Variants in JSRP1 observed in about 807,000 individuals in gnomAD.
JSRP1 encodes 2310032K21Rik.
JSRP1 carries 29 observed loss-of-function variants against 21.4 expected under a neutral mutation model. The observed-to-expected ratio is 1.36, with a 90% confidence interval of 1.01 to 1.85. JSRP1 has a LOEUF of 1.85. JSRP1 is among the 40% of genes most tolerant of loss of function. The pLI is 0.00. For synonymous variants in JSRP1, 221 were observed against 206.1 expected, an observed-to-expected ratio of 1.07 and a Z score of -0.62; for missense variants, 531 against 461.5, an observed-to-expected ratio of 1.15 and a Z score of -1.38.
chr19:2,256,319 G>A (rs2025146844), intron 1 of JSRP1, 64 bp downstream of exon 1: 2 of 152,346 alleles, frequency 1.3e-5, no homozygotes, highest in Admixed American at 6.5e-5. Flanking sequence ...TTCACACCCC[G>A]GGAGCCCACA....
chr19:2,254,513 G>A (rs1305050175), intron 2 of JSRP1, 31 bp from the exon 3 acceptor site: 1 of 1,611,546 alleles, frequency 6.2e-7, no homozygotes. Context: ...TCAAGGTTGT[G>A]GGGACCCCCA....
chr19:2,254,563 T>C, intron 2 of JSRP1, 81 bp from the exon 3 acceptor site: 1 of 1,486,718 alleles, frequency 6.7e-7, no homozygotes. Context: ...CTGGGTGACG[T>C]GCGGGTGACT....
Position 2,254,213 on chromosome 19 carries a change from C to T in JSRP1, c.236G>A (p.Gly79Glu), listed in dbSNP as rs775009518. The change falls in exon 4 of 7, where the codon GGG becomes GAG. Residue 79 changes from glycine (G) to glutamate (E), a missense_variant. Transcript: ENST00000300961. Reference sequence around the variant, plus strand: ...CGCTCCGGCTTTCAGCCTCTCCTTCCCCGTTCCTGGGGTCCCCCTGGCGGC... The same window carrying T: ...CGCTCCGGCTTTCAGCCTCTCCTTCTCCGTTCCTGGGGTCCCCCTGGCGGC... ...EPAARGTPGTGKERLKAGASP... is the reference protein window; with the variant it reads ...EPAARGTPGTEKERLKAGASP... 17 of 1,606,508 alleles carry T rather than the reference C, an allele frequency of 1.1e-5. No homozygotes were observed. In the Admixed American group the frequency reaches 1.9e-4, roughly 18 times the overall value.
At position 2,252,739 on chromosome 19, in the gene JSRP1, C is replaced by T; in HGVS notation, c.586G>A (p.Glu196Lys). Reference sequence around the variant, plus strand: ...CTCCCGGGAATCTTGGGTCTGACCTCTGCCTCGGCCCGGGGCGCAGGCGGC... The same window carrying T: ...CTCCCGGGAATCTTGGGTCTGACCTTTGCCTCGGCCCGGGGCGCAGGCGGC... ...SAPPAPRAEA[E>K]VRPKIPGSRE... The change falls in exon 7 of 7, where the codon GAG becomes AAG. Residue 196 changes from glutamate to lysine, a missense_variant. Glu to Lys is a moderately conservative substitution (Grantham distance 56). Transcript: ENST00000300961. The T allele has an allele frequency of 6.2e-7, 1 of 1,612,644 alleles. No homozygotes were observed. Among genetic ancestry groups the T allele is most frequent in the Non-Finnish European group, 8.5e-7 (1 of 1,179,926 alleles).
intron 4 of JSRP1, 103 bp from the exon 5 acceptor site, chr19:2,253,896 T>C (rs1371483824): frequency 2.4e-6 from 3 of 1,263,278 alleles, no homozygotes; most frequent in Admixed American, 3.7e-5. Context: ...AACCCGGCTC[T>C]CTCTGCCTGC....
chr19:2,256,230 G>A (rs956552366), intron 1 of JSRP1, among the ~76,000 whole-genome samples, 153 bp downstream of exon 1: 2 of 152,202 alleles, frequency 1.3e-5, no homozygotes, highest in Admixed American at 6.5e-5. Flanking sequence ...AGAAGCATGG[G>A]AGGCTGGTGT....
Position 2,252,504 on chromosome 19 carries a change from C to T in JSRP1, c.821G>A (p.Arg274Gln), listed in dbSNP as rs148397274. 1.3e-5 allele frequency: 21 copies of T among 1,612,362 alleles called. No homozygotes were observed. Among genetic ancestry groups the T allele is most frequent in the Non-Finnish European group, 1.7e-5 (20 of 1,179,860 alleles). ...EERPRAAREPREALPQRWESR... is the reference protein window; with the variant it reads ...EERPRAAREPQEALPQRWESR... ...CTCCCAGCGCTGGGGTAGGGCTTCC[C>T]GGGGCTCCCTGGCGGCCCGTGGCCT... The change falls in exon 7 of 7, where the codon CGG (arginine) becomes CAG (glutamine). Residue 274 changes from arginine to glutamine, a missense_variant. By Grantham distance (43) the Arg-to-Gln change is conservative. Transcript: ENST00000300961.
At position 2,252,700 on chromosome 19, in the gene JSRP1, C is replaced by T. The variant is rs2036420431; in HGVS notation, c.625G>A (p.Glu209Lys). 1 of 1,612,390 alleles carries T rather than the reference C, an allele frequency of 6.2e-7. No individual in the cohort carries two copies. ...PKIPGSREAA[E>K]NDEEEPGEAT... ...TCGCCGGGCTCCTCTTCGTCGTTCT[C>T]TGCAGCCTCCCGACTCCCGGGAATC... is the stretch of plus-strand genomic sequence containing the variant. Residue 209 changes from glutamate to lysine, a missense_variant, in exon 7 of 7, where the codon GAG (glutamate) becomes AAG (lysine). Coordinates refer to ENST00000300961, the MANE Select transcript of JSRP1 (RefSeq NM_144616.4).
At position 2,254,590 on chromosome 19, in the gene JSRP1, T is replaced by C. The variant is rs1426918323; in HGVS notation, c.110-108A>G. On this transcript the variant is annotated intron_variant, in intron 2 of 6. Transcript: ENST00000300961. The stretch of plus-strand genomic sequence containing the variant: ...CGGGTGACTAACCCCATCTTATAGA[T>C]AAGAAAGTAGGTGGAGGCCAGCACA... The C allele has an allele frequency of 4.8e-6, 6 of 1,256,322 alleles. No individual in the cohort carries two copies. The Admixed American group carries it at 1.2e-4, about 24-fold the overall frequency. 77.8% of individuals were successfully genotyped at this position (1,256,322 alleles called of 1,614,324 possible).
intron 6 of JSRP1, 44 bp from the exon 7 acceptor site, chr19:2,252,840 C>G (rs1295614288): frequency 1.9e-6 from 3 of 1,596,342 alleles, no homozygotes; most frequent in Middle Eastern, 3.6e-4. Context: ...CCACCTTCCC[C>G]CCGGCCCGGG....
At chr19:2,255,071 G>C in intron 2 of JSRP1, 135 bp downstream of exon 2, 2 of 522,742 alleles carry the variant, frequency 3.8e-6, no homozygotes, top group East Asian at 6.3e-5. Context: ...ATGAGGGCCA[G>C]GGGTTGAACA....
intron 1 of JSRP1, among the ~76,000 whole-genome samples, 168 bp downstream of exon 1, chr19:2,256,215 G>A (rs2025144995): frequency 6.6e-6 from 1 of 152,162 alleles, no homozygotes; most frequent in African/African-American, 2.4e-5. Context: ...TGGGGGAGGG[G>A]CCCAAGAAGC....
At position 2,252,608 on chromosome 19, in the gene JSRP1, A is replaced by G. The variant is rs760939048; in HGVS notation, c.717T>C (p.Pro239=). The change falls in exon 7 of 7, where the codon CCT becomes CCC. Residue 239 remains proline (P), a synonymous_variant. Coordinates refer to ENST00000300961, the MANE Select transcript of JSRP1 (RefSeq NM_144616.4). ...CCTTCCGCGGCTTCCCCTCTCTCCG[A>G]GGCCTCTCCTTGGGTCCCCGGTCTG... ...TLADRGPKER[P]RREGKPRKEK... 1.2e-6 allele frequency: 2 copies of G among 1,612,290 alleles called. No homozygotes were observed. The highest frequency in any genetic ancestry group is 1.7e-6 in the Non-Finnish European group (2 of 1,179,812).
At chr19:2,254,418 T>G (rs769401149) in intron 3 of JSRP1, 27 bp downstream of exon 3, 1 of 1,612,618 alleles carries the variant, frequency 6.2e-7, no homozygotes, top group African/African-American at 1.3e-5. Context: ...CGTCCTGGGT[T>G]AAAGGCTGAG....
chr19:2,254,111 G>A (rs1288708611), intron 4 of JSRP1, 76 bp downstream of exon 4: 1 of 1,161,928 alleles, frequency 8.6e-7, no homozygotes, highest in African/African-American at 1.5e-5. Flanking sequence ...AAGATCCAAG[G>A]ACCCAGCTCC....
At chr19:2,253,198 C>T (rs935196698) in intron 5 of JSRP1, among the ~76,000 whole-genome samples, 195 bp from the exon 6 acceptor site, 1 of 152,206 alleles carries the variant, frequency 6.6e-6, no homozygotes, top group Non-Finnish European at 1.5e-5. Flanking sequence ...CTTCTCCGAA[C>T]CTCGCTCTTT....
At chr19:2,254,813 G>A (rs1030373593) in intron 2 of JSRP1, among the ~76,000 whole-genome samples, 1 of 151,964 alleles carries the variant, frequency 6.6e-6, no homozygotes, top group Non-Finnish European at 1.5e-5. Flanking sequence ...GATCACTTGA[G>A]CCTGGGAGGT....
intron 4 of JSRP1, 68 bp from the exon 5 acceptor site, chr19:2,253,861 G>A (rs2145038092): frequency 3.7e-6 from 5 of 1,336,314 alleles, no homozygotes; most frequent in Non-Finnish European, 4.8e-6. Context: ...CGGGCGCAGG[G>A]GACAAGAGAC....
rs2025069004 is a variant in JSRP1, at chr19:2,252,446, C to T, written c.879G>A (p.Arg293=). 6.2e-7 allele frequency: 1 copy of T among 1,610,962 alleles called. No individual in the cohort carries two copies. Among genetic ancestry groups the T allele is most frequent in the Non-Finnish European group, 8.5e-7 (1 of 1,179,640 alleles). ...TCCTGGGCTCGGCGTCCCTGGAGTC[C>T]CGTGCCCACGGCCGGTGGCCCCCTT... ...SREGGHRPWA[R]DSRDAEPRKK... The change falls in exon 7 of 7, where the codon CGG becomes CGA. Residue 293 remains arginine (R), a synonymous_variant. Coordinates refer to ENST00000300961, the MANE Select transcript of JSRP1 (RefSeq NM_144616.4).
Sources: allele counts gnomAD v4.1 joint callset (sites outside exome capture counted in the v4.1 genomes callset), GRCh38; gene constraint gnomAD v4.1.1; transcripts MANE v1.5; gene names NCBI Gene and HGNC (gene_info 2026-07-23, HGNC 2026-07-21).